Variants in PRR5 observed in about 807,000 individuals in gnomAD.
PRR5 encodes the protein proline-rich protein 5.
PRR5 carries 25 observed loss-of-function variants against 30.6 expected under a neutral mutation model. The observed-to-expected ratio is 0.82, with a 90% CI of 0.60 to 1.14. PRR5 has a LOEUF of 1.14. Ranked by LOEUF, PRR5 falls within the 50% of genes most tolerant of loss-of-function variation. PRR5 has a pLI of 0.00. For missense variants in PRR5, 600 were observed against 547.1 expected (o/e 1.10, Z -0.96); for synonymous variants, 286 against 247.1 (o/e 1.16, Z -1.48).
At chr22:44,721,892 T>C (rs1388712427) in intron 2 of PRR5, among the ~76,000 whole-genome samples, 1 of 152,220 alleles carries the variant, frequency 6.6e-6, no homozygotes, top group Non-Finnish European at 1.5e-5. Flanking sequence ...CCTTCTCACC[T>C]GGTGCCCTGC....
chr22:44,707,635 G>C (rs1358281413), intron 1 of PRR5, among the ~76,000 whole-genome samples: 1 of 152,222 alleles, frequency 6.6e-6, no homozygotes, highest in Non-Finnish European at 1.5e-5. Context: ...TGCCATGAGG[G>C]CACGTGGGGG....
rs1922143186 is a variant in PRR5 at position 44,732,232 on chromosome 22, G to A, written c.415-19G>A. The A allele has an allele frequency of 1.2e-6, 2 of 1,608,672 alleles. No individual in the cohort carries two copies. The highest frequency in any genetic ancestry group is 1.7e-5 in the Admixed American group (1 of 59,956). ...GCATGTGACCACAGCCGGTGGGGTGGGGTGCCTTCCGTCCACAGGGCAAGG... is the reference window on the plus strand; with the variant it reads ...GCATGTGACCACAGCCGGTGGGGTGAGGTGCCTTCCGTCCACAGGGCAAGG... On this transcript the variant is annotated intron_variant, in intron 5 of 7. Transcript: ENST00000336985.
intron 1 of PRR5, among the ~76,000 whole-genome samples, chr22:44,703,830 C>T (rs1362192763): frequency 2.0e-5 from 3 of 152,118 alleles, no homozygotes; most frequent in Admixed American, 2.0e-4. Flanking sequence ...CTGCCATGAG[C>T]CATGATGCCA....
intron 1 of PRR5, among the ~76,000 whole-genome samples, chr22:44,670,780 T>C (rs1601938783): frequency 6.6e-6 from 1 of 152,082 alleles, no homozygotes; most frequent in South Asian, 2.1e-4. Context: ...CGTGGTGTGG[T>C]GCCAGCTTTC....
chr22:44,669,562 C>T (rs1923304633), intron 1 of PRR5, among the ~76,000 whole-genome samples: 1 of 152,224 alleles, frequency 6.6e-6, no homozygotes, highest in African/African-American at 2.4e-5. Context: ...CGCCTCTGAC[C>T]TAATCAGATG....
At chr22:44,730,601 C>T in intron 4 of PRR5, 2 of 992,526 alleles carry the variant, frequency 2.0e-6, no homozygotes, top group Non-Finnish European at 2.4e-6. Flanking sequence ...ACCTACGTAT[C>T]TGTTTCAGAG....
chr22:44,683,089 G>A (rs1473041524), intron 1 of PRR5, among the ~76,000 whole-genome samples: 1 of 152,232 alleles, frequency 6.6e-6, no homozygotes, highest in East Asian at 1.9e-4. Context: ...CCACCAGGAA[G>A]CTGGCCTCTG....
chr22:44,736,705 A>G, intron 7 of PRR5, 67 bp from the exon 8 acceptor site: 1 of 1,507,480 alleles, frequency 6.6e-7, no homozygotes, highest in African/African-American at 1.4e-5. Flanking sequence ...TGCAGTGAGC[A>G]GCAGGTGCCA....
intron 2 of PRR5, among the ~76,000 whole-genome samples, chr22:44,721,933 G>C (rs1929999106): frequency 6.6e-6 from 1 of 152,238 alleles, no homozygotes; most frequent in Non-Finnish European, 1.5e-5. Flanking sequence ...GGCCCTGCAA[G>C]TAATGCCTGC....
rs1926437645 is a variant in PRR5, at chr22:44,702,288, G to A, written c.-187G>A. 1.7e-6 allele frequency: 2 copies of A among 1,145,596 alleles called. No individual in the cohort carries two copies. Among genetic ancestry groups the A allele is most frequent in the Non-Finnish European group, 2.2e-6 (2 of 928,948 alleles). The allele number at this position is 1,145,596 out of a possible 1,614,324, so 71.0% of individuals were successfully genotyped here. On this transcript the variant is annotated 5_prime_UTR_variant, in exon 1 of 8. Coordinates refer to ENST00000336985, the MANE Select transcript of PRR5 (RefSeq NM_181333.4). ...TCCGTGCAATGATTAACCCGGCGGG[G>A]CGGCCGGCGCGGGACCCGAGACGGA... is the stretch of plus-strand genomic sequence containing the variant.
chr22:44,734,658 C>A (rs1053886671), intron 6 of PRR5: 5 of 203,824 alleles, frequency 2.5e-5, no homozygotes, highest in Admixed American at 1.7e-4. Context: ...GCTTGGCCCT[C>A]CCTGCGTGGG....
At chr22:44,713,350 G>C (rs966860099) in intron 1 of PRR5, among the ~76,000 whole-genome samples, 4 of 152,278 alleles carry the variant, frequency 2.6e-5, no homozygotes, top group African/African-American at 9.6e-5. Flanking sequence ...GCCCACCTCA[G>C]CCTCCCACAG....
At position 44,702,241 on chromosome 22, in the gene PRR5, C is replaced by T; in HGVS notation, c.-234C>T. 4 of 1,126,762 alleles carry T rather than the reference C, an allele frequency of 3.5e-6. No individual in the cohort carries two copies. The highest frequency in any genetic ancestry group is 4.3e-5 in the South Asian group (1 of 23,192). The allele number at this position is 1,126,762 out of a possible 1,614,324, so 69.8% of individuals were successfully genotyped here. On this transcript the variant is annotated 5_prime_UTR_variant, in exon 1 of 8. Coordinates refer to ENST00000336985, the MANE Select transcript of PRR5 (RefSeq NM_181333.4). ...CGCCGGGTCTGTGCTGGCCGCGCGCCTGGCGCTCCACGCTGAGCCTCTCCG... is the reference window on the plus strand; with the variant it reads ...CGCCGGGTCTGTGCTGGCCGCGCGCTTGGCGCTCCACGCTGAGCCTCTCCG...
At position 44,732,300 on chromosome 22, in the gene PRR5, C is replaced by A; in HGVS notation, c.464C>A (p.Ala155Asp). The change falls in exon 6 of 8, where the codon GCC becomes GAC. Residue 155 changes from alanine to aspartate, a missense_variant. Transcript: ENST00000336985. ...CTGGCCCTGCTGCACTTCCGGAATG[C>A]CATCACCCTCAGTGTGAAGCTAGAG... ...RQLALLHFRNAITLSVKLEDA... is the reference protein window; with the variant it reads ...RQLALLHFRNDITLSVKLEDA... The A allele has an allele frequency of 6.2e-7, 1 of 1,612,340 alleles. No individual in the cohort carries two copies. The highest frequency in any genetic ancestry group is 8.5e-7 in the Non-Finnish European group (1 of 1,179,986).
At chr22:44,729,489 C>G (rs746262285) in intron 4 of PRR5, 85 of 985,482 alleles carry the variant, frequency 8.6e-5, no homozygotes, top group Non-Finnish European at 1.0e-4. Flanking sequence ...CGCGCACACA[C>G]CCGGCCCCGT....
upstream of PRR5, among the ~76,000 whole-genome samples, chr22:44,676,480 A>G (rs1923779466): frequency 6.6e-6 from 1 of 151,110 alleles, no homozygotes; most frequent in Non-Finnish European, 1.5e-5. Flanking sequence ...AGAGAGTGTG[A>G]TGGCCCTCCC....
intron 1 of PRR5, among the ~76,000 whole-genome samples, chr22:44,689,869 G>A (rs1412357917): frequency 3.3e-5 from 5 of 152,258 alleles, no homozygotes; most frequent in East Asian, 1.9e-4. Context: ...GGCTGGTCTC[G>A]AACTCCTGAC....
At chr22:44,677,786 G>T (rs142712522) in intron 1 of PRR5, among the ~76,000 whole-genome samples, 73 of 152,190 alleles carry the variant, frequency 4.8e-4, no homozygotes, top group African/African-American at 1.7e-3. Flanking sequence ...TCTGAGCCTC[G>T]GTCTCTAATT....
At chr22:44,720,474 G>A (rs937357271) in intron 2 of PRR5, among the ~76,000 whole-genome samples, 3 of 152,196 alleles carry the variant, frequency 2.0e-5, no homozygotes, top group Non-Finnish European at 4.4e-5. Flanking sequence ...TGCATGGTTG[G>A]AGTTGGTGTG....
Sources: gnomAD v4.1 joint callset for allele counts (sites outside exome capture counted in the v4.1 genomes callset) on GRCh38, gnomAD v4.1.1 for gene constraint, MANE v1.5 for transcripts, NCBI Gene and HGNC (gene_info 2026-07-23, HGNC 2026-07-21) for gene names.